NTM: variants seen among roughly 807,000 people sequenced by gnomAD.
The protein encoded by NTM is neurotrimin, also known as IgLON family member 2.
NTM carries 13 observed loss-of-function variants against 42.1 expected under a neutral mutation model. The ratio of observed to expected loss-of-function variants is 0.31; its 90% CI spans 0.20 to 0.49. The LOEUF (loss-of-function observed/expected upper bound fraction) is 0.49, where lower values mean the gene tolerates loss of function less well. Among genes scored for constraint, NTM ranks in the 20% least tolerant of loss-of-function variants. The pLI, the probability that NTM is intolerant of heterozygous loss-of-function variation, is 0.99. For missense variants in NTM, 373 were observed against 452.8 expected (o/e 0.82, Z 1.60); for synonymous variants, 187 against 179.2 (o/e 1.04, Z -0.35).
chr11:132,113,829 A>G (rs1257884813), intron 2 of NTM, among the ~76,000 whole-genome samples: 2 of 152,120 alleles, frequency 1.3e-5, no homozygotes, highest in South Asian at 2.1e-4. Flanking sequence ...AGGACTAGAG[A>G]GACAAAGGGC....
chr11:131,798,989 T>A (rs1031710382), intron 1 of NTM, among the ~76,000 whole-genome samples: 1 of 152,234 alleles, frequency 6.6e-6, no homozygotes, highest in Non-Finnish European at 1.5e-5. Context: ...TCAGTGTAAA[T>A]ATTTGTTCAA....
At chr11:132,111,558 C>T (rs2063203087) in intron 2 of NTM, among the ~76,000 whole-genome samples, 1 of 152,270 alleles carries the variant, frequency 6.6e-6, no homozygotes, top group Non-Finnish European at 1.5e-5. Flanking sequence ...ATGCTGCAGT[C>T]CTCTGCAGTC....
At chr11:131,654,057 C>G (rs2066855975) in intron 1 of NTM, among the ~76,000 whole-genome samples, 1 of 152,216 alleles carries the variant, frequency 6.6e-6, no homozygotes, top group Admixed American at 6.5e-5. Flanking sequence ...ATTCAACAGA[C>G]AGCTCTCATG....
intron 1 of NTM, among the ~76,000 whole-genome samples, chr11:131,651,305 A>G (rs2066445578): frequency 1.3e-5 from 2 of 152,240 alleles, no homozygotes; most frequent in African/African-American, 4.8e-5. Context: ...CTAGTTGTGT[A>G]TAGCTAGTCA....
chr11:131,776,408 G>A (rs2135962838), intron 1 of NTM, among the ~76,000 whole-genome samples: 1 of 152,282 alleles, frequency 6.6e-6, no homozygotes, highest in East Asian at 1.9e-4. Context: ...GCTCTTTCCT[G>A]CTACTTCCCT....
intron 3 of NTM, among the ~76,000 whole-genome samples, chr11:132,162,961 C>T (rs2074642331): frequency 6.6e-6 from 1 of 152,036 alleles, no homozygotes; most frequent in Admixed American, 6.6e-5. Flanking sequence ...AAGGGAAGAG[C>T]AGCTACTCAA....
chr11:131,908,764 T>C (rs1369285726), intron 1 of NTM, among the ~76,000 whole-genome samples: 1 of 152,204 alleles, frequency 6.6e-6, no homozygotes, highest in Admixed American at 6.5e-5. Context: ...TGGTGAAGTT[T>C]TTCAATTTCC....
At position 131,633,235 on chromosome 11, in the gene NTM, T is replaced by TGAA. The variant is rs549640466; in HGVS notation, c.82+262350_82+262352dup. On this transcript the variant is annotated intron_variant, in intron 1 of 8. Transcript: ENST00000683400. ...TTTCCCCCATTTCATTTTGGAACAC[T>TGAA]GAAGACCACATCAGTCAGCAGGAAA... Among the ~76,000 whole-genome samples, 401 of 152,274 alleles carry TGAA rather than the reference T, an allele frequency of 2.6e-3. 2 individuals carry two copies. The highest frequency in any genetic ancestry group is 4.2e-3 in the Admixed American group (64 of 15,302).
At position 132,282,976 on chromosome 11, in the gene NTM, C is replaced by CT. The variant is rs142817071; in HGVS notation, c.527-24688dup. 6.4e-3 allele frequency among the ~76,000 whole-genome samples: 693 copies of CT among 108,884 alleles called. 15 individuals are homozygous for CT. Among genetic ancestry groups the CT allele is most frequent in the African/African-American group, 0.017 (499 of 28,690 alleles). 71.4% of individuals were successfully genotyped at this position (108,884 alleles called of 152,430 possible). A position where few individuals can be genotyped will look rare whatever the true frequency, so the allele number is the denominator to read the frequency against. On this transcript the variant is annotated intron_variant, in intron 4 of 8. Coordinates refer to ENST00000683400, the MANE Select transcript of NTM (RefSeq NM_001352005.2). ...AATGAAACGGGAAATTCCTTTATTC[C>CT]TTTTTTTTTTTTTTTTTTTTTTTTT...
chr11:132,302,311 G>A (rs192037736), intron 4 of NTM, among the ~76,000 whole-genome samples: 1 of 152,286 alleles, frequency 6.6e-6, no homozygotes, highest in East Asian at 1.9e-4. Context: ...TTCTCCTGAG[G>A]AAATAATTGG....
chr11:131,827,327 G>A (rs2042254491), intron 1 of NTM, among the ~76,000 whole-genome samples: 1 of 152,152 alleles, frequency 6.6e-6, no homozygotes, highest in Non-Finnish European at 1.5e-5. Context: ...GATGGATCTG[G>A]CAATGTGAAT....
chr11:132,271,184 C>CTT (rs1174982983), intron 4 of NTM, among the ~76,000 whole-genome samples: 1 of 152,114 alleles, frequency 6.6e-6, no homozygotes, highest in Non-Finnish European at 1.5e-5. Context: ...GCTTTGTTGA[C>CTT]TTAGCATAAT....
At chr11:131,544,684 G>A (rs1028902826) in intron 1 of NTM, among the ~76,000 whole-genome samples, 5 of 152,142 alleles carry the variant, frequency 3.3e-5, no homozygotes, top group East Asian at 1.9e-4. Context: ...TCCACTTCCC[G>A]TCATTCAGAT....
At chr11:131,393,176 G>C (rs923847327) in intron 1 of NTM, among the ~76,000 whole-genome samples, 4 of 152,116 alleles carry the variant, frequency 2.6e-5, no homozygotes, top group African/African-American at 9.7e-5. Context: ...CCTGAGCCCA[G>C]GGACCTCACG....
At chr11:131,747,398 G>T (rs1011177201) in intron 1 of NTM, among the ~76,000 whole-genome samples, 2 of 152,144 alleles carry the variant, frequency 1.3e-5, no homozygotes, top group Non-Finnish European at 2.9e-5. Flanking sequence ...CCTTTGGGTT[G>T]TGTCTCCTAA....
At chr11:131,635,786 A>G (rs1445449825) in intron 1 of NTM, among the ~76,000 whole-genome samples, 1 of 152,152 alleles carries the variant, frequency 6.6e-6, no homozygotes, top group Non-Finnish European at 1.5e-5. Context: ...TGACTCACCC[A>G]GAGGAACTTC....
chr11:132,332,708 C>T (rs1371115064), intron 8 of NTM: 3 of 152,260 alleles, frequency 2.0e-5, no homozygotes, highest in African/African-American at 7.2e-5. Flanking sequence ...TCTCAGTCGT[C>T]TCCCGAGCTG....
At chr11:131,753,486 C>T (rs2082849072) in intron 1 of NTM, among the ~76,000 whole-genome samples, 1 of 151,966 alleles carries the variant, frequency 6.6e-6, no homozygotes, top group African/African-American at 2.4e-5. Context: ...AGACTTGGAA[C>T]CAACCCAAAT....
intron 3 of NTM, among the ~76,000 whole-genome samples, chr11:132,178,221 T>C (rs981096181): frequency 6.6e-6 from 1 of 152,094 alleles, no homozygotes; most frequent in Non-Finnish European, 1.5e-5. Flanking sequence ...AAACACATGG[T>C]TGGGAGGGGC....
Sources: gnomAD v4.1 joint callset for allele counts (sites outside exome capture counted in the v4.1 genomes callset) on GRCh38, gnomAD v4.1.1 for gene constraint, MANE v1.5 for transcripts, NCBI Gene and HGNC (gene_info 2026-07-23, HGNC 2026-07-21) for gene names.